RNGTT: variants seen among roughly 807,000 people sequenced by gnomAD.
RNGTT encodes RNA guanylyltransferase and 5'-phosphatase.
Under a neutral mutation model 79.3 loss-of-function variants are expected in RNGTT, and 33 were observed. That is an observed-to-expected ratio of 0.42 (90% CI 0.32 to 0.56). The LOEUF is 0.56. Ranked by LOEUF, RNGTT falls within the 20% of genes least tolerant of loss-of-function variation. The probability of loss-of-function intolerance (pLI) is 0.17; values close to 1 mark genes in which losing one functional copy is unlikely to be tolerated. For synonymous variants in RNGTT, 222 were observed against 235.9 expected, an observed-to-expected ratio of 0.94 and a Z score of 0.54; for missense variants, 497 against 739.1, an observed-to-expected ratio of 0.67 and a Z score of 3.80.
At chr6:88,937,210 GT>G (rs1784693347) in intron 2 of RNGTT, among the ~76,000 whole-genome samples, 1 of 152,148 alleles carries the variant, frequency 6.6e-6, no homozygotes, top group Non-Finnish European at 1.5e-5. Flanking sequence ...GCCAGGCGCA[GT>G]GGCACATGCC....
chr6:88,759,020 T>C (rs1463900897), intron 13 of RNGTT, among the ~76,000 whole-genome samples: 1 of 152,090 alleles, frequency 6.6e-6, no homozygotes, highest in East Asian at 1.9e-4. Context: ...ATCTTTACTA[T>C]GGTGGTGGCA....
intron 8 of RNGTT, among the ~76,000 whole-genome samples, chr6:88,889,032 AAAT>A (rs1562303886): frequency 6.6e-6 from 1 of 152,184 alleles, no homozygotes; most frequent in Non-Finnish European, 1.5e-5. Flanking sequence ...CCGTCTCAAA[AAAT>A]AATAATAATA....
chr6:88,891,598 C>T (rs1783049871), intron 7 of RNGTT, among the ~76,000 whole-genome samples: 1 of 152,040 alleles, frequency 6.6e-6, no homozygotes, highest in South Asian at 2.1e-4. Context: ...CAAGAATTTT[C>T]TATTACTTTA....
Position 88,883,791 on chromosome 6 carries a change from C to T in RNGTT, c.896+6704G>A, listed in dbSNP as rs62428986. On this transcript the variant is annotated intron_variant, in intron 8 of 15. Coordinates refer to ENST00000369485, the MANE Select transcript of RNGTT (RefSeq NM_003800.5). The stretch of plus-strand genomic sequence containing the variant: ...AGGCAATAAAAATTAATAAACTTGA[C>T]TTCATAAAAATAATAAAATTTTGTA... Among the ~76,000 whole-genome samples the T allele has an allele frequency of 4.0e-3, 615 of 152,146 alleles. 3 individuals carry two copies. The highest frequency in any genetic ancestry group is 5.7e-3 in the Admixed American group (87 of 15,286).
At chr6:88,723,064 C>A (rs1403359314) in intron 13 of RNGTT, among the ~76,000 whole-genome samples, 2 of 152,150 alleles carry the variant, frequency 1.3e-5, no homozygotes, top group Admixed American at 1.3e-4. Context: ...TTAACAGCAA[C>A]AACAAAAAGT....
intron 14 of RNGTT, among the ~76,000 whole-genome samples, chr6:88,618,745 C>T (rs1047433297): frequency 3.3e-5 from 5 of 152,144 alleles, no homozygotes; most frequent in Non-Finnish European, 5.9e-5. Flanking sequence ...TATAAATAAT[C>T]TGGGGTTAAG....
intron 11 of RNGTT, among the ~76,000 whole-genome samples, chr6:88,843,498 A>G (rs1010581231): frequency 2.0e-5 from 3 of 151,970 alleles, no homozygotes; most frequent in Non-Finnish European, 2.9e-5. Context: ...TTAAGTGAAA[A>G]AACAAAGCAA....
chr6:88,814,805 G>C (rs1780263985), intron 11 of RNGTT, among the ~76,000 whole-genome samples: 1 of 151,962 alleles, frequency 6.6e-6, no homozygotes, highest in African/African-American at 2.4e-5. Context: ...AAAAGGAAAA[G>C]GCTAAATAGT....
intron 12 of RNGTT, among the ~76,000 whole-genome samples, chr6:88,785,521 T>C (rs1779201432): frequency 6.6e-6 from 1 of 152,182 alleles, no homozygotes; most frequent in Non-Finnish European, 1.5e-5. Flanking sequence ...TATATTTTCT[T>C]TCTTGGCACT....
intron 1 of RNGTT, among the ~76,000 whole-genome samples, chr6:88,954,769 G>A (rs982067057): frequency 3.0e-4 from 46 of 151,874 alleles, no homozygotes; most frequent in African/African-American, 9.9e-4. Context: ...ACGACCAGGC[G>A]TGGTGGCTCA....
chr6:88,623,949 C>T (rs1357041413), intron 14 of RNGTT, among the ~76,000 whole-genome samples: 1 of 151,876 alleles, frequency 6.6e-6, no homozygotes, highest in African/African-American at 2.4e-5. Flanking sequence ...TATATACCAA[C>T]AATGAACAGT....
chr6:88,929,945 T>C (rs183865958), intron 2 of RNGTT, among the ~76,000 whole-genome samples: 8 of 149,764 alleles, frequency 5.3e-5, no homozygotes, highest in Non-Finnish European at 8.9e-5. Flanking sequence ...TACATATGCA[T>C]ATACACACGT....
chr6:88,893,763 T>G (rs1367754684), intron 6 of RNGTT, among the ~76,000 whole-genome samples: 3 of 152,078 alleles, frequency 2.0e-5, no homozygotes, highest in Non-Finnish European at 4.4e-5. Flanking sequence ...TTTTTTAACT[T>G]CCTCTATTTT....
At chr6:88,642,066 G>A (rs1773342781) in intron 14 of RNGTT, among the ~76,000 whole-genome samples, 1 of 152,092 alleles carries the variant, frequency 6.6e-6, no homozygotes, top group Non-Finnish European at 1.5e-5. Context: ...GGAATGTAAT[G>A]TCAGTGAATC....
intron 14 of RNGTT, among the ~76,000 whole-genome samples, chr6:88,672,264 C>CAT (rs200192996): frequency 2.0e-5 from 3 of 149,384 alleles, no homozygotes; most frequent in Non-Finnish European, 3.0e-5. Flanking sequence ...TATACACACA[C>CAT]ATATATATAA....
chr6:88,775,104 T>G (rs1778832007), intron 12 of RNGTT, among the ~76,000 whole-genome samples: 2 of 152,112 alleles, frequency 1.3e-5, no homozygotes, highest in South Asian at 4.1e-4. Context: ...GAATGAAAAA[T>G]TAATTGAAAT....
At chr6:88,801,289 A>ATT (rs1779773797) in intron 12 of RNGTT, among the ~76,000 whole-genome samples, 1 of 152,208 alleles carries the variant, frequency 6.6e-6, no homozygotes, top group African/African-American at 2.4e-5. Flanking sequence ...ATATTAAAAG[A>ATT]CTGGTTTCTT....
chr6:88,870,764 T>A (rs9362579), intron 8 of RNGTT, among the ~76,000 whole-genome samples: 6,281 of 152,208 alleles, frequency 0.041, 189 homozygotes, highest in African/African-American at 0.077. Context: ...CTTTCAGTAA[T>A]GCTGTATATA....
intron 14 of RNGTT, among the ~76,000 whole-genome samples, chr6:88,650,548 C>CA (rs986052156): frequency 6.6e-6 from 1 of 151,244 alleles, no homozygotes; most frequent in South Asian, 2.1e-4. Context: ...CAACTTTGGG[C>CA]AAAAAAATGA....
Sources: gnomAD v4.1 joint callset for allele counts (sites outside exome capture counted in the v4.1 genomes callset) on GRCh38, gnomAD v4.1.1 for gene constraint, MANE v1.5 for transcripts, NCBI Gene and HGNC (gene_info 2026-07-23, HGNC 2026-07-21) for gene names.